The following KLHL6 variants were observed in gnomAD, a reference collection of about 807,000 sequenced individuals.
KLHL6 encodes the protein kelch like family member 6.
In KLHL6, 41 loss-of-function variants were observed where a neutral mutation model predicts 58.6. That is an observed-to-expected ratio of 0.70 (90% CI 0.55 to 0.91). The LOEUF is 0.91. KLHL6 is among the 40% of genes least tolerant of loss of function. KLHL6 has a pLI of 0.00. For synonymous variants in KLHL6, 338 were observed against 322.7 expected, an observed-to-expected ratio of 1.05 and a Z score of -0.51; for missense variants, 714 against 805.6, an observed-to-expected ratio of 0.89 and a Z score of 1.38.
intron 2 of KLHL6, among the ~76,000 whole-genome samples, chr3:183,510,306 T>TGGG (rs1553809105): frequency 4.1e-4 from 6 of 14,604 alleles, no homozygotes; most frequent in Non-Finnish European, 4.0e-4. Context: ...CAAGACCTGG[T>TGGG]GGGGGTGGGG....
At chr3:183,521,667 C>A (rs1321269690) in intron 2 of KLHL6, 1 of 150,898 alleles carries the variant, frequency 6.6e-6, no homozygotes, top group Non-Finnish European at 1.5e-5. Context: ...CTCATCTATA[C>A]ATTGAGGGTA....
Position 183,490,535 on chromosome 3 carries a change from A to G in KLHL6, c.*1392T>C, listed in dbSNP as rs1404084933. 2.6e-5 allele frequency: 4 copies of G among 151,760 alleles called. No homozygotes were observed. The East Asian group carries it at 5.8e-4, about 22-fold the overall frequency. The allele number at this position is 151,760 out of a possible 1,614,324, so 9.4% of individuals were successfully genotyped here. A position where few individuals can be genotyped will look rare whatever the true frequency, so the allele number is the denominator to read the frequency against. ...ATTTAAAAAAAAAAAGACCGGGCCCAGTGGCTCACACCTGTAATCCCAGCA... is the reference window on the plus strand; with the variant it reads ...ATTTAAAAAAAAAAAGACCGGGCCCGGTGGCTCACACCTGTAATCCCAGCA... On this transcript the variant is annotated 3_prime_UTR_variant, in exon 7 of 7. Transcript: ENST00000341319.
intron 1 of KLHL6, among the ~76,000 whole-genome samples, chr3:183,530,859 T>G: frequency 7.2e-6 from 1 of 139,636 alleles, no homozygotes; most frequent in Admixed American, 7.6e-5. Flanking sequence ...TGAGACAGAG[T>G]CTCACTCTGT....
intron 4 of KLHL6, among the ~76,000 whole-genome samples, chr3:183,498,007 G>A (rs984809729): frequency 3.3e-5 from 5 of 152,028 alleles, no homozygotes; most frequent in Non-Finnish European, 5.9e-5. Context: ...AGGCTGAGGC[G>A]GGTGGATCAC....
Position 183,492,159 on chromosome 3 carries a change from C to T in KLHL6, c.1634G>A (p.Ser545Asn). The T allele has an allele frequency of 6.2e-7, 1 of 1,613,418 alleles. No homozygotes were observed. The highest frequency in any genetic ancestry group is 2.2e-5 in the East Asian group (1 of 44,860). The change falls in exon 7 of 7, where the codon AGC becomes AAC. Residue 545 changes from serine (S) to asparagine (N), a missense_variant. Coordinates refer to ENST00000341319, the MANE Select transcript of KLHL6 (RefSeq NM_130446.4). This position sits in a 1 kb window ranked among gnomAD's most constrained non-coding sequence, Gnocchi z 5.9. ...GATACCGCAGCTGGCCCGCTCGTGGCTGAGCTGGGTCACCAGGCACCAGCT... is the reference window on the plus strand; with the variant it reads ...GATACCGCAGCTGGCCCGCTCGTGGTTGAGCTGGGTCACCAGGCACCAGCT... Reference protein sequence around the residue: ...EDSWCLVTQLSHERASCGIAP... With the variant: ...EDSWCLVTQLNHERASCGIAP...
chr3:183,528,431 C>T (rs1712051643), intron 1 of KLHL6, among the ~76,000 whole-genome samples: 1 of 152,230 alleles, frequency 6.6e-6, no homozygotes, highest in South Asian at 2.1e-4. Context: ...CAGCTGAGGC[C>T]CAGATACCTG....
At chr3:183,553,546 G>A (rs1215038216) in intron 1 of KLHL6, among the ~76,000 whole-genome samples, 1 of 152,234 alleles carries the variant, frequency 6.6e-6, no homozygotes, top group African/African-American at 2.4e-5. Context: ...ACTCCTGAGA[G>A]GGGCTGCAGT....
At chr3:183,554,201 TA>T (rs1304325182) in intron 1 of KLHL6, among the ~76,000 whole-genome samples, 3 of 152,130 alleles carry the variant, frequency 2.0e-5, no homozygotes, top group African/African-American at 7.2e-5. Context: ...GGATCAGGTG[TA>T]TTCACTGGGT....
chr3:183,539,788 G>A (rs190840735), intron 1 of KLHL6, among the ~76,000 whole-genome samples: 218 of 151,730 alleles, frequency 1.4e-3, no homozygotes, highest in African/African-American at 5.0e-3. Flanking sequence ...CACTGCCCAC[G>A]GCCCCTGTGG....
chr3:183,535,013 C>T (rs377098133), intron 1 of KLHL6, among the ~76,000 whole-genome samples: 7 of 149,526 alleles, frequency 4.7e-5, no homozygotes, highest in Non-Finnish European at 5.9e-5. Context: ...GGCACAATAT[C>T]GGCTCACTGC....
At chr3:183,515,144 C>T (rs1251923502) in intron 2 of KLHL6, among the ~76,000 whole-genome samples, 1 of 152,150 alleles carries the variant, frequency 6.6e-6, no homozygotes, top group Non-Finnish European at 1.5e-5. Flanking sequence ...AAGTACAAAA[C>T]CAACACAAGA....
rs1717451252 is a variant in KLHL6 at position 183,488,156 on chromosome 3, T to C, written c.*3771A>G. The C allele has an allele frequency of 6.6e-6, 1 of 152,262 alleles. No individual in the cohort carries two copies. Among genetic ancestry groups the C allele is most frequent in the Admixed American group, 6.5e-5 (1 of 15,288 alleles). 9.4% of individuals were successfully genotyped at this position (152,262 alleles called of 1,614,324 possible). ...GAACATGAATCTGTTGGTGTTCTGA[T>C]GAGCTTAGCTCCCTGCCTGTTTCAG... On this transcript the variant is annotated 3_prime_UTR_variant, in exon 7 of 7. Transcript: ENST00000341319.
At position 183,492,628 on chromosome 3, in the gene KLHL6, G is replaced by A; in HGVS notation, c.1430C>T (p.Pro477Leu). The change falls in exon 6 of 7, where the codon CCC becomes CTC. Residue 477 changes from proline to leucine, a missense_variant. By Grantham distance (98) the Pro-to-Leu change is moderately conservative. Around this residue, in one of 2 missense-constraint regions of KLHL6, gnomAD observed 510 missense variants for 629.7 expected, o/e 0.81. Transcript: ENST00000341319. This position sits in a 1 kb window ranked among gnomAD's most constrained non-coding sequence, Gnocchi z 5.9. ...KKKLYVIGGG[P>L]NGKLATDKTQ... ...CTTGTCTGTGGCCAGTTTCCCATTG[G>A]GCCCTCCCCCGATCACATACAGCTT... The A allele has an allele frequency of 1.2e-6, 2 of 1,614,138 alleles. No individual in the cohort carries two copies. Among genetic ancestry groups the A allele is most frequent in the Non-Finnish European group, 1.7e-6 (2 of 1,180,020 alleles).
chr3:183,544,893 T>A (rs1442485774), intron 1 of KLHL6: 5 of 152,108 alleles, frequency 3.3e-5, no homozygotes, highest in Non-Finnish European at 7.3e-5. Flanking sequence ...TAGGATTGGG[T>A]AACTGAATGG....
intron 1 of KLHL6, among the ~76,000 whole-genome samples, chr3:183,545,317 A>G (rs188642677): frequency 1.5e-3 from 221 of 152,366 alleles, no homozygotes; most frequent in African/African-American, 5.1e-3. Context: ...AAGGCTCTGC[A>G]TGTGGCCAGC....
intron 1 of KLHL6, among the ~76,000 whole-genome samples, chr3:183,531,675 T>C (rs191940072): frequency 6.6e-6 from 1 of 152,104 alleles, no homozygotes; most frequent in Non-Finnish European, 1.5e-5. Context: ...CTCAATCTCC[T>C]GACCTTGTGA....
chr3:183,505,091 A>C (rs925127230), intron 3 of KLHL6, among the ~76,000 whole-genome samples: 7 of 152,210 alleles, frequency 4.6e-5, no homozygotes, highest in African/African-American at 1.7e-4. Context: ...ATAAATGCTG[A>C]ACTGAGGGCA....
chr3:183,507,968 T>G (rs1041861431), intron 3 of KLHL6, 91 bp downstream of exon 3: 2 of 1,178,090 alleles, frequency 1.7e-6, no homozygotes, highest in African/African-American at 1.5e-5. Flanking sequence ...GCCCTAAGGA[T>G]TTTTGAATCC....
At chr3:183,501,832 GCA>G (rs912292725) in intron 3 of KLHL6, among the ~76,000 whole-genome samples, 1 of 152,122 alleles carries the variant, frequency 6.6e-6, no homozygotes, top group African/African-American at 2.4e-5. Flanking sequence ...TCCTAACTTT[GCA>G]CACATTCTCA....
Sources: gnomAD v4.1 joint callset for allele counts (sites outside exome capture counted in the v4.1 genomes callset) on GRCh38, gnomAD v4.1.1 for gene constraint, gnomAD v4.1.1 regional missense constraint, Gnocchi (gnomAD v3.1) non-coding constraint, MANE v1.5 for transcripts, NCBI Gene and HGNC (gene_info 2026-07-23, HGNC 2026-07-21) for gene names.